GRIP1: variants seen among roughly 807,000 people sequenced by gnomAD.
GRIP1 encodes the protein glutamate receptor-interacting protein 1.
In GRIP1, 45 loss-of-function variants were observed where a neutral mutation model predicts 129.9. The observed-to-expected ratio is 0.35, with a 90% CI of 0.27 to 0.44. The LOEUF is 0.44. GRIP1 is among the 20% of genes least tolerant of loss of function. The pLI, the probability that GRIP1 is intolerant of heterozygous loss-of-function variation, is 1.00. For synonymous variants in GRIP1, 530 were observed against 520.8 expected (o/e 1.02, Z -0.24); for missense variants, 1,196 against 1,396.8 (o/e 0.86, Z 2.29).
chr12:66,577,665 T>A (rs1156472662), intron 2 of GRIP1, among the ~76,000 whole-genome samples: 1 of 152,160 alleles, frequency 6.6e-6, no homozygotes, highest in East Asian at 1.9e-4. Flanking sequence ...AAGATACATT[T>A]TCAGCTGGGT....
chr12:66,970,574 C>CTTTGGACTT (rs2137571932), intron 1 of GRIP1, among the ~76,000 whole-genome samples: 1 of 117,266 alleles, frequency 8.5e-6, no homozygotes, highest in South Asian at 3.0e-4. Flanking sequence ...CTCCTGTTGT[C>CTTTGGACTT]TTTGGACTTT....
chr12:66,718,741 A>G (rs1031111402), intron 1 of GRIP1, among the ~76,000 whole-genome samples: 1 of 152,016 alleles, frequency 6.6e-6, no homozygotes, highest in Non-Finnish European at 1.5e-5. Context: ...AATCCCAGCT[A>G]CTCTGGAGGC....
At chr12:66,444,903 T>C (rs1173093602) in intron 12 of GRIP1, among the ~76,000 whole-genome samples, 174 bp from the exon 13 acceptor site, 1 of 152,228 alleles carries the variant, frequency 6.6e-6, no homozygotes, top group African/African-American at 2.4e-5. Flanking sequence ...TTGCAGTTCA[T>C]GGTTATAATT....
chr12:67,052,735 G>A (rs2043366830), intron 1 of GRIP1, among the ~76,000 whole-genome samples: 1 of 142,718 alleles, frequency 7.0e-6, no homozygotes, highest in African/African-American at 2.6e-5. Flanking sequence ...ACTCCAGCGT[G>A]GGTAACAGAG....
intron 1 of GRIP1, among the ~76,000 whole-genome samples, chr12:66,645,703 A>G (rs941884313): frequency 3.3e-5 from 5 of 152,212 alleles, no homozygotes; most frequent in African/African-American, 1.2e-4. Flanking sequence ...AAATTTCAAG[A>G]TAATTATTTT....
At chr12:66,813,672 G>A (rs1199208037) in intron 1 of GRIP1, among the ~76,000 whole-genome samples, 1 of 152,144 alleles carries the variant, frequency 6.6e-6, no homozygotes, top group Non-Finnish European at 1.5e-5. Flanking sequence ...AGCATGAACA[G>A]GAAGGATGAC....
intron 1 of GRIP1, among the ~76,000 whole-genome samples, chr12:66,899,427 G>A (rs975638449): frequency 3.3e-5 from 5 of 151,476 alleles, no homozygotes; most frequent in Non-Finnish European, 5.9e-5. Flanking sequence ...GCAGTGGCAC[G>A]ATCATAGCTC....
chr12:66,493,993 T>TA (rs1012495615), intron 7 of GRIP1, among the ~76,000 whole-genome samples: 34 of 152,206 alleles, frequency 2.2e-4, no homozygotes, highest in African/African-American at 6.0e-4. Flanking sequence ...TGGGTATATG[T>TA]AAAAAAAGAG....
At chr12:66,393,930 C>T (rs1453820292) in intron 17 of GRIP1, among the ~76,000 whole-genome samples, 1 of 152,134 alleles carries the variant, frequency 6.6e-6, no homozygotes, top group African/African-American at 2.4e-5. Context: ...TCAAAATGGA[C>T]ACAATACAAA....
chr12:66,374,649 G>A (rs937205703), intron 22 of GRIP1, among the ~76,000 whole-genome samples: 12 of 152,140 alleles, frequency 7.9e-5, no homozygotes, highest in African/African-American at 2.7e-4. Flanking sequence ...GACACATGTT[G>A]GAAGTAAAAC....
chr12:66,688,109 A>G (rs1467134923), intron 1 of GRIP1, among the ~76,000 whole-genome samples: 1 of 152,176 alleles, frequency 6.6e-6, no homozygotes, highest in East Asian at 1.9e-4. Context: ...GGATTCATCC[A>G]TTTCTAAATC....
At chr12:66,622,456 T>A (rs927184243) in intron 1 of GRIP1, among the ~76,000 whole-genome samples, 4 of 152,116 alleles carry the variant, frequency 2.6e-5, no homozygotes, top group African/African-American at 9.7e-5. Context: ...AAAAAGATAA[T>A]TGAGATGCTG....
intron 1 of GRIP1, among the ~76,000 whole-genome samples, chr12:66,905,763 T>C (rs2040921354): frequency 6.6e-6 from 1 of 152,234 alleles, no homozygotes; most frequent in Non-Finnish European, 1.5e-5. Context: ...TTTAGAATGC[T>C]CTTGGCAATG....
intron 16 of GRIP1, among the ~76,000 whole-genome samples, chr12:66,396,224 T>C (rs1214587742): frequency 6.6e-6 from 1 of 152,208 alleles, no homozygotes; most frequent in Non-Finnish European, 1.5e-5. Flanking sequence ...AAGGCAAGCA[T>C]GAGCACAAAC....
chr12:66,678,847 T>C lies in GRIP1; in HGVS notation c.55+3A>G, dbSNP rs373794381. ...TGAGGGAATAACAAGGAAAGCACGA[T>C]ACCTTTAGTAAGTCGCCTCAGAATT... On this transcript the variant is annotated splice_donor_region_variant and intron_variant, in intron 1 of 24. Coordinates refer to ENST00000359742, the MANE Select transcript of GRIP1 (RefSeq NM_001366722.1). 6 of 1,612,962 alleles carry C rather than the reference T, an allele frequency of 3.7e-6. No homozygotes were observed. In the African/African-American group the frequency reaches 6.7e-5, roughly 18 times the overall value.
At chr12:66,827,447 A>G (rs568562174) in intron 1 of GRIP1, among the ~76,000 whole-genome samples, 2 of 152,106 alleles carry the variant, frequency 1.3e-5, no homozygotes, top group Admixed American at 1.3e-4. Flanking sequence ...AGAGAGTGCC[A>G]AAAGGACAGA....
intron 1 of GRIP1, among the ~76,000 whole-genome samples, chr12:66,649,716 A>G (rs1157783033): frequency 6.6e-6 from 1 of 152,218 alleles, no homozygotes. Flanking sequence ...TAGACAGGGT[A>G]GTTAAACTAG....
chr12:66,565,838 C>T (rs1010258402), intron 2 of GRIP1, among the ~76,000 whole-genome samples: 1 of 152,156 alleles, frequency 6.6e-6, no homozygotes, highest in African/African-American at 2.4e-5. Flanking sequence ...AGAGGTCCTT[C>T]ATGTCCCTTG....
chr12:66,762,456 C>T (rs1351223132), intron 1 of GRIP1, among the ~76,000 whole-genome samples: 3 of 152,158 alleles, frequency 2.0e-5, no homozygotes, highest in Non-Finnish European at 4.4e-5. Flanking sequence ...CTTTCATTTT[C>T]CTGTTACTTG....
Sources: allele counts gnomAD v4.1 joint callset (sites outside exome capture counted in the v4.1 genomes callset), GRCh38; gene constraint gnomAD v4.1.1; transcripts MANE v1.5; gene names NCBI Gene and HGNC (gene_info 2026-07-23, HGNC 2026-07-21).